RNF2: variants seen among roughly 807,000 people sequenced by gnomAD.
The protein encoded by RNF2 is E3 ubiquitin-protein ligase RING2.
A neutral mutation model predicts 37.2 loss-of-function variants in RNF2; 6 were observed. That is an observed-to-expected ratio of 0.16 (90% CI 0.09 to 0.32). The LOEUF (loss-of-function observed/expected upper bound fraction) is 0.32. RNF2 is among the 10% of genes least tolerant of loss of function. The pLI is 1.00. For missense variants in RNF2, 251 were observed against 404.0 expected (o/e 0.62, Z 3.25); for synonymous variants, 133 against 132.7 (o/e 1.00, Z -0.02).
Position 185,068,048 on chromosome 1 carries a change from C to T in RNF2, c.-2-19504C>T, listed in dbSNP as rs577819339. 6.1e-5 allele frequency among the ~76,000 whole-genome samples: 9 copies of T among 148,586 alleles called. No individual in the cohort carries two copies. In the East Asian group the frequency reaches 8.0e-4, roughly 13 times the overall value. Reference sequence around the variant, plus strand: ...AGACAGAGTCTTGCACTGTTGCCCACGCTGGAGTGCAATGGTACGATCTCG... The same window carrying T: ...AGACAGAGTCTTGCACTGTTGCCCATGCTGGAGTGCAATGGTACGATCTCG... On this transcript the variant is annotated intron_variant, in intron 1 of 6. Transcript: ENST00000367510.
chr1:185,050,110 TGTA>T (rs1650232122), intron 1 of RNF2, among the ~76,000 whole-genome samples: 1 of 152,208 alleles, frequency 6.6e-6, no homozygotes, highest in Non-Finnish European at 1.5e-5. Context: ...TAGGTTAAGA[TGTA>T]GTAATTTAAA....
At chr1:185,090,619 G>A (rs1055644993) in intron 2 of RNF2, among the ~76,000 whole-genome samples, 4 of 152,144 alleles carry the variant, frequency 2.6e-5, no homozygotes, top group African/African-American at 9.7e-5. Flanking sequence ...GAAAGCACAA[G>A]TATGATGGAC....
intron 1 of RNF2, among the ~76,000 whole-genome samples, chr1:185,076,833 T>A (rs1457050773): frequency 6.6e-6 from 1 of 152,076 alleles, no homozygotes; most frequent in Non-Finnish European, 1.5e-5. Context: ...GTAAACTCTC[T>A]CCTGTTTTTC....
chr1:185,084,650 A>G (rs1651528525), intron 1 of RNF2, among the ~76,000 whole-genome samples: 1 of 152,106 alleles, frequency 6.6e-6, no homozygotes, highest in Non-Finnish European at 1.5e-5. Context: ...TAGCTGTATT[A>G]TCTTTGATGT....
At chr1:185,085,591 A>G (rs1651570056) in intron 1 of RNF2, among the ~76,000 whole-genome samples, 1 of 151,858 alleles carries the variant, frequency 6.6e-6, no homozygotes. Context: ...GTTGCTTTCT[A>G]GTCTTCTACC....
rs74698247 is a variant in RNF2 at position 185,074,459 on chromosome 1, A to G, written c.-2-13093A>G. On this transcript the variant is annotated intron_variant, in intron 1 of 6. Coordinates refer to ENST00000367510, the MANE Select transcript of RNF2 (RefSeq NM_007212.4). ...CCTGAATCTATCTAGGGGCCCACCT[A>G]GAGTAACCATATTAGCATAAACTTA... is the stretch of plus-strand genomic sequence containing the variant. 5.3e-5 allele frequency among the ~76,000 whole-genome samples: 8 copies of G among 152,268 alleles called. No homozygotes were observed. In the East Asian group the frequency reaches 1.4e-3, roughly 26 times the overall value.
chr1:185,091,976 G>A (rs994253776), intron 3 of RNF2: 9 of 350,224 alleles, frequency 2.6e-5, no homozygotes, highest in Admixed American at 1.4e-4. Flanking sequence ...CACCGTGGCC[G>A]GCTAGTTTTT....
chr1:185,085,151 T>C (rs1049484371), intron 1 of RNF2, among the ~76,000 whole-genome samples: 42 of 142,502 alleles, frequency 2.9e-4, no homozygotes, highest in South Asian at 2.8e-3. Context: ...TTTTCTTTTT[T>C]TTTTTTTTTT....
At chr1:185,082,991 A>G (rs1042733595) in intron 1 of RNF2, among the ~76,000 whole-genome samples, 2 of 152,192 alleles carry the variant, frequency 1.3e-5, no homozygotes, top group African/African-American at 4.8e-5. Context: ...CACTAACCTA[A>G]TATCTACAAA....
intron 4 of RNF2, among the ~76,000 whole-genome samples, chr1:185,096,914 G>T (rs76902199): frequency 6.7e-6 from 1 of 150,154 alleles, no homozygotes; most frequent in Non-Finnish European, 1.5e-5. Flanking sequence ...TGTTCTGGCA[G>T]TAAACATAAT....
chr1:185,098,971 C>T (rs1243360311), intron 5 of RNF2, among the ~76,000 whole-genome samples: 6 of 150,990 alleles, frequency 4.0e-5, no homozygotes, highest in Admixed American at 6.6e-5. Flanking sequence ...AGGATGGTCT[C>T]GATCTCTTGA....
chr1:185,051,700 T>A (rs1442019608), intron 1 of RNF2, among the ~76,000 whole-genome samples: 1 of 150,912 alleles, frequency 6.6e-6, no homozygotes, highest in Non-Finnish European at 1.5e-5. Flanking sequence ...ACAAATCTGG[T>A]TGGTAGTGCA....
chr1:185,082,345 CTTTTTTTTTTTTTTTTT>C (rs3036553), intron 1 of RNF2, among the ~76,000 whole-genome samples: 1 of 72,000 alleles, frequency 1.4e-5, no homozygotes, highest in Non-Finnish European at 2.9e-5. Context: ...CTCTGCAGAA[CTTTTTTTTTTTTTTTTT>C]TTTTTGAAGA....
intron 1 of RNF2, among the ~76,000 whole-genome samples, chr1:185,067,970 A>G (rs555591370): frequency 6.7e-6 from 1 of 150,010 alleles, no homozygotes; most frequent in Non-Finnish European, 1.5e-5. Context: ...TGGCCTTCCA[A>G]AGTGCTGGGA....
intron 4 of RNF2, among the ~76,000 whole-genome samples, chr1:185,093,944 C>G (rs1271283935): frequency 6.6e-6 from 1 of 152,094 alleles, no homozygotes; most frequent in Non-Finnish European, 1.5e-5. Context: ...GCTGATGACT[C>G]CCAAATTTAT....
intron 1 of RNF2, among the ~76,000 whole-genome samples, chr1:185,077,339 T>C (rs1293488841): frequency 2.0e-5 from 3 of 151,108 alleles, no homozygotes; most frequent in East Asian, 2.0e-4. Flanking sequence ...TTTTTTTTCC[T>C]ACCATAACAT....
At position 185,072,951 on chromosome 1, in the gene RNF2, CA is replaced by C. The variant is rs531414077; in HGVS notation, c.-2-14594del. Among the ~76,000 whole-genome samples the C allele has an allele frequency of 4.6e-3, 691 of 151,502 alleles. 6 individuals carry two copies. Among genetic ancestry groups the C allele is most frequent in the African/African-American group, 0.016 (674 of 41,310 alleles). On this transcript the variant is annotated intron_variant, in intron 1 of 6. Transcript: ENST00000367510. ...TGAGACTCTGTCTCAAAAAAACAAA[CA>C]AAAAAACATAGTGAACAGAACTCAG...
At chr1:185,088,412 C>T in intron 2 of RNF2, among the ~76,000 whole-genome samples, 1 of 151,918 alleles carries the variant, frequency 6.6e-6, no homozygotes, top group East Asian at 1.9e-4. Flanking sequence ...CAAAATTAGC[C>T]AGGCATGGTG....
In RNF2 at chr1:185,091,222, A is replaced by ATTT. The variant is rs532549987; in HGVS notation, c.88-357_88-356insTTT. 2.2e-4 allele frequency among the ~76,000 whole-genome samples: 33 copies of ATTT among 152,340 alleles called. No individual in the cohort carries two copies. In the South Asian group the frequency reaches 6.6e-3, roughly 31 times the overall value. On this transcript the variant is annotated intron_variant, in intron 2 of 6. Coordinates refer to ENST00000367510, the MANE Select transcript of RNF2 (RefSeq NM_007212.4). ...TGCAGGTAAGAAGACAATGTTAAATAATTATTTAGACTCAGCTAGTTAATT... is the reference window on the plus strand; with the variant it reads ...TGCAGGTAAGAAGACAATGTTAAATATTTATTATTTAGACTCAGCTAGTTAATT...
Sources: gnomAD v4.1 joint callset for allele counts (sites outside exome capture counted in the v4.1 genomes callset) on GRCh38, gnomAD v4.1.1 for gene constraint, MANE v1.5 for transcripts, NCBI Gene and HGNC (gene_info 2026-07-23, HGNC 2026-07-21) for gene names.